The following TENM3 variants were observed in gnomAD, a reference collection of about 807,000 sequenced individuals.
TENM3 encodes the protein teneurin-3.
Under a neutral mutation model 255.1 loss-of-function variants are expected in TENM3, and 63 were observed. That is an observed-to-expected ratio of 0.25 (90% CI 0.20 to 0.30). The LOEUF (loss-of-function observed/expected upper bound fraction) is 0.30, where lower values mean the gene tolerates loss of function less well. TENM3 is among the 10% of genes least tolerant of loss of function. The pLI, the probability that TENM3 is intolerant of heterozygous loss-of-function variation, is 1.00. For synonymous variants in TENM3, 1,306 were observed against 1,322.3 expected (o/e 0.99, Z 0.27); for missense variants, 2,929 against 3,461.1 (o/e 0.85, Z 3.86).
At chr4:182,413,885 G>GT (rs148919347) in intron 3 of TENM3, among the ~76,000 whole-genome samples, 2,107 of 152,240 alleles carry the variant, frequency 0.014, 39 homozygotes, top group African/African-American at 0.047. Context: ...TTTCAACCTA[G>GT]TGAGAACACA....
At chr4:181,708,372 C>A in the TENM3 span, among the ~76,000 whole-genome samples, 1 of 152,048 alleles carries the variant, frequency 6.6e-6, no homozygotes, top group African/African-American at 2.4e-5. Flanking sequence ...CCAGATTAGA[C>A]AAACTGGTAC....
At chr4:182,627,615 C>T (rs1488336094) in intron 4 of TENM3, among the ~76,000 whole-genome samples, 3 of 538 alleles carry the variant, frequency 5.6e-3, no homozygotes, top group Non-Finnish European at 0.01. Flanking sequence ...TTAGGAACAT[C>T]GTAATAAGTG....
At chr4:182,354,262 G>T (rs1180185003) in intron 3 of TENM3, among the ~76,000 whole-genome samples, 1 of 152,162 alleles carries the variant, frequency 6.6e-6, no homozygotes, top group Non-Finnish European at 1.5e-5. Flanking sequence ...TAGTTGTAGA[G>T]TTGAAATTAA....
At chr4:182,672,165 A>G (rs2309759) in intron 6 of TENM3, among the ~76,000 whole-genome samples, 132,642 of 152,190 alleles carry the variant, frequency 0.87, 57,878 homozygotes, top group East Asian at 0.96. Flanking sequence ...GAGGGAAAAG[A>G]GGAACATCGT....
chr4:182,185,553 G>T (rs910446493), intron 1 of TENM3, among the ~76,000 whole-genome samples: 1 of 152,140 alleles, frequency 6.6e-6, no homozygotes, highest in African/African-American at 2.4e-5. Context: ...TTGCAATCTT[G>T]TTAGTCTTTT....
the TENM3 span, among the ~76,000 whole-genome samples, chr4:181,649,690 C>T: frequency 5.3e-5 from 8 of 152,146 alleles, no homozygotes; most frequent in Admixed American, 5.2e-4. Flanking sequence ...TTTAAACTAG[C>T]ACAAGTTTAG....
chr4:181,662,518 A>G, the TENM3 span, among the ~76,000 whole-genome samples: 4 of 152,314 alleles, frequency 2.6e-5, no homozygotes, highest in South Asian at 8.3e-4. Context: ...GGATATTGGC[A>G]TGTCAGGAAT....
chr4:181,632,702 G>T, the TENM3 span, among the ~76,000 whole-genome samples: 1 of 152,056 alleles, frequency 6.6e-6, no homozygotes, highest in Non-Finnish European at 1.5e-5. Context: ...GTTTATCTGG[G>T]GTAGTATAAC....
chr4:181,544,408 T>TAAAAAAAAAAAAA, the TENM3 span, among the ~76,000 whole-genome samples: 351 of 68,658 alleles, frequency 5.1e-3, 53 homozygotes, highest in Middle Eastern at 0.035. Context: ...CCTTCAGGAT[T>TAAAAAAAAAAAAA]AAAAAAAAAA....
At chr4:181,526,366 C>A in the TENM3 span, among the ~76,000 whole-genome samples, 1 of 151,932 alleles carries the variant, frequency 6.6e-6, no homozygotes, top group Non-Finnish European at 1.5e-5. Flanking sequence ...CCTGTCAAAC[C>A]CATATTTGAC....
the TENM3 span, among the ~76,000 whole-genome samples, chr4:181,952,151 C>A: frequency 2.6e-5 from 4 of 152,178 alleles, no homozygotes; most frequent in African/African-American, 4.8e-5. Flanking sequence ...TGTGGAAATA[C>A]TTTTACATTG....
the TENM3 span, among the ~76,000 whole-genome samples, chr4:181,605,560 AAG>A: frequency 7.5e-5 from 2 of 26,744 alleles, 1 homozygote; most frequent in Non-Finnish European, 1.9e-4. Context: ...GAAAGAAAGA[AAG>A]AAAGAAAGAG....
the TENM3 span, among the ~76,000 whole-genome samples, chr4:181,556,489 A>G: frequency 6.6e-6 from 1 of 152,212 alleles, no homozygotes; most frequent in Non-Finnish European, 1.5e-5. Flanking sequence ...TCTAACAGTA[A>G]CTAGATATTA....
chr4:181,846,264 G>C, the TENM3 span, among the ~76,000 whole-genome samples: 2 of 151,950 alleles, frequency 1.3e-5, no homozygotes, highest in African/African-American at 2.4e-5. Context: ...ATTTTGAAAT[G>C]CTATCTTTTT....
intron 3 of TENM3, among the ~76,000 whole-genome samples, chr4:182,354,887 T>G (rs1765419695): frequency 6.6e-6 from 1 of 152,216 alleles, no homozygotes; most frequent in Non-Finnish European, 1.5e-5. Flanking sequence ...TGAATAGATT[T>G]CTTATTTAGT....
chr4:182,346,970 C>T, intron 3 of TENM3, 41 bp downstream of exon 3: 1 of 1,491,518 alleles, frequency 6.7e-7, no homozygotes, highest in East Asian at 2.4e-5. Context: ...GCATTCAGTG[C>T]TTCTGTCTGT....
chr4:181,463,661 A>G, the TENM3 span, among the ~76,000 whole-genome samples: 1 of 152,184 alleles, frequency 6.6e-6, no homozygotes, highest in Non-Finnish European at 1.5e-5. Context: ...TGGTTCATAA[A>G]CCATAACATT....
At chr4:182,742,709 G>T (rs1379424722) in intron 18 of TENM3, among the ~76,000 whole-genome samples, 2 of 152,176 alleles carry the variant, frequency 1.3e-5, no homozygotes, top group Non-Finnish European at 2.9e-5. Context: ...TGTAGAGCCT[G>T]TTCTCAAACC....
Position 182,622,730 on chromosome 4 carries a change from C to T in TENM3, c.750-5921C>T, listed in dbSNP as rs557247117. 2.0e-5 allele frequency among the ~76,000 whole-genome samples: 3 copies of T among 152,276 alleles called. No individual in the cohort carries two copies. In the East Asian group the frequency reaches 5.8e-4, roughly 29 times the overall value. ...GTGGCTTCTTGGCCAAGGTACTTAA[C>T]TTTTTGAGGCTCACTTTTCCTCGTC... On this transcript the variant is annotated intron_variant, in intron 4 of 27. Transcript: ENST00000511685.
Sources: allele counts gnomAD v4.1 joint callset (sites outside exome capture counted in the v4.1 genomes callset), GRCh38; gene constraint gnomAD v4.1.1; transcripts MANE v1.5; gene names NCBI Gene and HGNC (gene_info 2026-07-23, HGNC 2026-07-21).